The following AKR1C8 variants were observed in gnomAD, a reference collection of about 807,000 sequenced individuals.
AKR1C8 encodes the protein aldo-keto reductase family 1 member C8.
the AKR1C8 span, among the ~76,000 whole-genome samples, chr10:5,136,184 C>T: frequency 1.3e-5 from 2 of 152,084 alleles, no homozygotes; most frequent in Non-Finnish European, 2.9e-5. Context: ...AATCTAATTA[C>T]AATAAATTGG....
the AKR1C8 span, among the ~76,000 whole-genome samples, chr10:5,177,169 TGA>T: frequency 1.3e-5 from 2 of 152,264 alleles, no homozygotes; most frequent in African/African-American, 4.8e-5. Flanking sequence ...CCTGATTTAT[TGA>T]GAGTTTTTAG....
chr10:5,178,192 T>C, the AKR1C8 span, among the ~76,000 whole-genome samples: 50 of 152,312 alleles, frequency 3.3e-4, 1 homozygote, highest in South Asian at 9.9e-3. Flanking sequence ...TTTGTTCTCA[T>C]TGGTTTCAAA....
At chr10:5,118,180 G>T in the AKR1C8 span, among the ~76,000 whole-genome samples, 505 of 152,240 alleles carry the variant, frequency 3.3e-3, 3 homozygotes, top group African/African-American at 0.011. Flanking sequence ...GTACAACCAT[G>T]TTATCCATTG....
the AKR1C8 span, among the ~76,000 whole-genome samples, chr10:5,153,031 G>C: frequency 2.6e-5 from 4 of 152,216 alleles, no homozygotes; most frequent in South Asian, 8.3e-4. Context: ...AGCAATGTTA[G>C]AGATCTTGCA....
the AKR1C8 span, among the ~76,000 whole-genome samples, chr10:5,149,779 T>C: frequency 6.6e-6 from 1 of 152,270 alleles, no homozygotes; most frequent in African/African-American, 2.4e-5. Flanking sequence ...ACAAACACAT[T>C]CTTATTAAAC....
chr10:5,132,469 A>T, the AKR1C8 span: 2 of 789,448 alleles, frequency 2.5e-6, no homozygotes, highest in Non-Finnish European at 3.5e-6. Context: ...TTTAGTTTTA[A>T]TACATGAATA....
chr10:5,141,358 C>T, the AKR1C8 span, among the ~76,000 whole-genome samples: 1 of 152,158 alleles, frequency 6.6e-6, no homozygotes, highest in Non-Finnish European at 1.5e-5. Context: ...CCCTTAAAAT[C>T]ATCCATGAGA....
the AKR1C8 span, among the ~76,000 whole-genome samples, chr10:5,136,002 A>G: frequency 6.6e-6 from 1 of 152,210 alleles, no homozygotes; most frequent in Non-Finnish European, 1.5e-5. Flanking sequence ...TTATTGGAGT[A>G]TTAATTAACA....
At chr10:5,160,113 G>C in the AKR1C8 span, 5 of 351,410 alleles carry the variant, frequency 1.4e-5, no homozygotes, top group Non-Finnish European at 3.0e-5. Flanking sequence ...ATAAATATTA[G>C]ACTGAATTAA....
the AKR1C8 span, among the ~76,000 whole-genome samples, chr10:5,127,151 T>C: frequency 0.39 from 59,579 of 151,860 alleles, 12,490 homozygotes; most frequent in Non-Finnish European, 0.43. Context: ...ATAATGAATT[T>C]AGAAGGTTCA....
At chr10:5,137,552 C>CAA in the AKR1C8 span, among the ~76,000 whole-genome samples, 2 of 152,098 alleles carry the variant, frequency 1.3e-5, no homozygotes, top group African/African-American at 4.8e-5. Flanking sequence ...TTCAACCCTG[C>CAA]TTCATGCTAA....
the AKR1C8 span, among the ~76,000 whole-genome samples, chr10:5,147,249 C>T: frequency 6.6e-6 from 1 of 152,156 alleles, no homozygotes; most frequent in Non-Finnish European, 1.5e-5. Context: ...GAGCACCAAG[C>T]CACTCATGAT....
chr10:5,133,749 C>A, the AKR1C8 span, among the ~76,000 whole-genome samples: 1 of 152,130 alleles, frequency 6.6e-6, no homozygotes, highest in Non-Finnish European at 1.5e-5. Flanking sequence ...GTGAGAAATT[C>A]TGGCCTCCAA....
At chr10:5,165,934 C>G in the AKR1C8 span, among the ~76,000 whole-genome samples, 1 of 152,086 alleles carries the variant, frequency 6.6e-6, no homozygotes, top group Admixed American at 6.5e-5. Flanking sequence ...TTGTTCAGAT[C>G]TATGGGTGAA....
At chr10:5,170,280 A>G in the AKR1C8 span, among the ~76,000 whole-genome samples, 1 of 152,136 alleles carries the variant, frequency 6.6e-6, no homozygotes, top group Non-Finnish European at 1.5e-5. Flanking sequence ...AAAGTGTAAA[A>G]CATTACACAA....
the AKR1C8 span, among the ~76,000 whole-genome samples, chr10:5,163,894 A>G: frequency 0.81 from 123,810 of 152,070 alleles, 50,487 homozygotes; most frequent in African/African-American, 0.84. Context: ...ACATACCCAT[A>G]ACTACACTAA....
At chr10:5,123,183 CTT>C in the AKR1C8 span, 1 of 159,484 alleles carries the variant, frequency 6.3e-6, no homozygotes, top group African/African-American at 2.4e-5. Context: ...AGGAAATGGA[CTT>C]AGTCCAACAG....
At chr10:5,177,615 C>G in the AKR1C8 span, among the ~76,000 whole-genome samples, 2 of 152,080 alleles carry the variant, frequency 1.3e-5, no homozygotes, top group Admixed American at 1.3e-4. Flanking sequence ...GTCCTGGACT[C>G]TTTTTGGTTA....
chr10:5,176,473 T>C, the AKR1C8 span, among the ~76,000 whole-genome samples: 1 of 150,274 alleles, frequency 6.7e-6, no homozygotes, highest in Non-Finnish European at 1.5e-5. Flanking sequence ...TCTTTTTTGG[T>C]TCCATACGAA....
Sources: allele counts gnomAD v4.1 joint callset (sites outside exome capture counted in the v4.1 genomes callset), GRCh38; gene constraint gnomAD v4.1.1; transcripts MANE v1.5; gene names NCBI Gene and HGNC (gene_info 2026-07-23, HGNC 2026-07-21).